LSM8: variants seen among roughly 807,000 people sequenced by gnomAD.
The protein encoded by LSM8 is LSM8 U6 small nuclear RNA associated.
LSM8 carries 14 observed loss-of-function variants against 15.0 expected under a neutral mutation model. That is an observed-to-expected ratio of 0.93 (90% CI 0.62 to 1.46). The LOEUF is 1.46. Among genes scored for constraint, LSM8 ranks in the 40% most tolerant of loss-of-function variants. The pLI is 0.00. For missense variants in LSM8, 90 were observed against 115.4 expected (o/e 0.78, Z 1.01); for synonymous variants, 50 against 42.1 (o/e 1.19, Z -0.73).
At chr7:118,186,254 C>T (rs944012348) in intron 2 of LSM8, among the ~76,000 whole-genome samples, 5 of 152,180 alleles carry the variant, frequency 3.3e-5, no homozygotes, top group African/African-American at 7.2e-5. Context: ...TAAGATAAAA[C>T]GTTCCTATAG....
rs535117731 is a variant in LSM8 at position 118,202,984 on chromosome 7, A to C, written c.*10982A>C. Among the ~76,000 whole-genome samples the C allele has an allele frequency of 6.6e-6, 1 of 152,000 alleles. No homozygotes were observed. The highest frequency in any genetic ancestry group is 1.5e-5 in the Non-Finnish European group (1 of 67,940). ...CTTTATCCTTCAGGATTCTGGCGTC[A>C]AGTCCCTCCCTATCAGTCTTTAAAA... On this transcript the variant is annotated 3_prime_UTR_variant, in exon 4 of 4. Coordinates refer to ENST00000249299, the MANE Select transcript of LSM8 (RefSeq NM_016200.5).
rs6956486 is a variant in LSM8 at position 118,196,976 on chromosome 7, T to G, written c.*4974T>G. Among the ~76,000 whole-genome samples, 7 of 151,536 alleles carry G rather than the reference T, an allele frequency of 4.6e-5. No homozygotes were observed. Among genetic ancestry groups the G allele is most frequent in the Admixed American group, 4.6e-4 (7 of 15,190 alleles). ...TCTCCTGACCTCGTGATCTGCCCAC[T>G]TCGGCGTCCCAAAGTGCTGGAATTA... On this transcript the variant is annotated 3_prime_UTR_variant, in exon 4 of 4. Transcript: ENST00000249299.
In LSM8 at chr7:118,198,021, G is replaced by T. The variant is rs1374610537; in HGVS notation, c.*6019G>T. On this transcript the variant is annotated 3_prime_UTR_variant, in exon 4 of 4. Coordinates refer to ENST00000249299, the MANE Select transcript of LSM8 (RefSeq NM_016200.5). ...GAAAAGTACTAAGAAGTAATTGATA[G>T]CATTCCCTGATAATTTTGGTGAAAA... is the stretch of plus-strand genomic sequence containing the variant. 6.6e-6 allele frequency among the ~76,000 whole-genome samples: 1 copy of T among 152,130 alleles called. No individual in the cohort carries two copies. The highest frequency in any genetic ancestry group is 1.5e-5 in the Non-Finnish European group (1 of 68,018).
rs571554799 is a variant in LSM8 at position 118,197,169 on chromosome 7, A to G, written c.*5167A>G. ...TCTCTTTAGGGTAATGTTCAATTAC[A>G]CTGCATATATTTTGCTATTATGTAG... On this transcript the variant is annotated 3_prime_UTR_variant, in exon 4 of 4. Coordinates refer to ENST00000249299, the MANE Select transcript of LSM8 (RefSeq NM_016200.5). 1.3e-5 allele frequency among the ~76,000 whole-genome samples: 2 copies of G among 150,194 alleles called. No homozygotes were observed. The highest frequency in any genetic ancestry group is 4.3e-4 in the South Asian group (2 of 4,684).
chr7:118,190,431 G>A (rs957838755), intron 3 of LSM8: 3 of 152,086 alleles, frequency 2.0e-5, no homozygotes, highest in Non-Finnish European at 4.4e-5. Context: ...AGCTTCTACT[G>A]GCCCATGAAA....
At chr7:118,189,257 T>C (rs113310385) in intron 3 of LSM8, 10,337 of 150,424 alleles carry the variant, frequency 0.069, 374 homozygotes, top group East Asian at 0.11. Flanking sequence ...GAGACACCAA[T>C]TCAAAAAAAA....
rs954224068 is a variant in LSM8, at chr7:118,202,399, A to T, written c.*10397A>T. Among the ~76,000 whole-genome samples the T allele has an allele frequency of 2.6e-5, 4 of 151,954 alleles. No individual in the cohort carries two copies. Among genetic ancestry groups the T allele is most frequent in the Admixed American group, 6.6e-5 (1 of 15,214 alleles). The stretch of plus-strand genomic sequence containing the variant: ...TTCAGACTGGGGCACCTACTCAAAG[A>T]AGTGACCCAGTACCCAGGCCACTAT... On this transcript the variant is annotated 3_prime_UTR_variant, in exon 4 of 4. Coordinates refer to ENST00000249299, the MANE Select transcript of LSM8 (RefSeq NM_016200.5).
In LSM8 at chr7:118,197,464, T is replaced by C. The variant is rs774429607; in HGVS notation, c.*5462T>C. 8.5e-5 allele frequency among the ~76,000 whole-genome samples: 13 copies of C among 152,306 alleles called. No individual in the cohort carries two copies. The highest frequency in any genetic ancestry group is 1.5e-4 in the Non-Finnish European group (10 of 68,032). ...TCATCTCATATCAACAAAATGATTA[T>C]AATAAATCATACTCTAGAAAACTCA... On this transcript the variant is annotated 3_prime_UTR_variant, in exon 4 of 4. Transcript: ENST00000249299.
rs745540353 is a variant in LSM8, at chr7:118,188,264, T to A, written c.73-14T>A. On this transcript the variant is annotated splice_polypyrimidine_tract_variant and intron_variant, in intron 2 of 3. Coordinates refer to ENST00000249299, the MANE Select transcript of LSM8 (RefSeq NM_016200.5). The stretch of plus-strand genomic sequence containing the variant: ...AGAATATTTCTCTTTTTCTCCTGAA[T>A]ATTTTCTTTACAGGGAACACTGAAA... 2 of 1,612,312 alleles carry A rather than the reference T, an allele frequency of 1.2e-6. No homozygotes were observed. Among genetic ancestry groups the A allele is most frequent in the South Asian group, 2.2e-5 (2 of 90,948 alleles).
At chr7:118,188,182 T>C in intron 2 of LSM8, 96 bp from the exon 3 acceptor site, 6 of 1,381,870 alleles carry the variant, frequency 4.3e-6, no homozygotes, top group Non-Finnish European at 6.1e-6. Flanking sequence ...GTACTTGTAT[T>C]GGAATACCTG....
rs1231287869 is a variant in LSM8, at chr7:118,200,252, T to G, written c.*8250T>G. On this transcript the variant is annotated 3_prime_UTR_variant, in exon 4 of 4. Coordinates refer to ENST00000249299, the MANE Select transcript of LSM8 (RefSeq NM_016200.5). The stretch of plus-strand genomic sequence containing the variant: ...GGCTTTGTAGAGCCATTGGAGGGAG[T>G]AATAGTTTCAGAGTCATGAAACAAA... 2.0e-5 allele frequency among the ~76,000 whole-genome samples: 3 copies of G among 151,936 alleles called. No individual in the cohort carries two copies. The highest frequency in any genetic ancestry group is 7.3e-5 in the African/African-American group (3 of 41,376).
At chr7:118,187,786 A>G (rs1262495564) in intron 2 of LSM8, among the ~76,000 whole-genome samples, 1 of 152,210 alleles carries the variant, frequency 6.6e-6, no homozygotes, top group East Asian at 1.9e-4. Flanking sequence ...GTACTAAATC[A>G]AAGGGTAGAG....
intron 2 of LSM8, among the ~76,000 whole-genome samples, chr7:118,186,834 T>G (rs1179549558): frequency 6.6e-6 from 1 of 152,268 alleles, no homozygotes; most frequent in Non-Finnish European, 1.5e-5. Context: ...GTTTGACATA[T>G]TTTAATTTCA....
chr7:118,194,827 T>G lies in LSM8; in HGVS notation c.*2825T>G, dbSNP rs1809050570. On this transcript the variant is annotated 3_prime_UTR_variant, in exon 4 of 4. Coordinates refer to ENST00000249299, the MANE Select transcript of LSM8 (RefSeq NM_016200.5). Reference sequence around the variant, plus strand: ...CATCTTCAAAATTAGTAGGTAGTATTTATTGAGTGCATATCATGTGCCAGG... The same window carrying G: ...CATCTTCAAAATTAGTAGGTAGTATGTATTGAGTGCATATCATGTGCCAGG... 6.6e-6 allele frequency among the ~76,000 whole-genome samples: 1 copy of G among 152,078 alleles called. No homozygotes were observed. The highest frequency in any genetic ancestry group is 2.4e-5 in the African/African-American group (1 of 41,420).
intron 2 of LSM8, among the ~76,000 whole-genome samples, chr7:118,187,352 C>T (rs1166662407): frequency 1.3e-5 from 2 of 152,208 alleles, no homozygotes; most frequent in Non-Finnish European, 2.9e-5. Flanking sequence ...AGACCCATGT[C>T]TTCTTTTATT....
rs1809116918 is a variant in LSM8 at position 118,198,492 on chromosome 7, G to C, written c.*6490G>C. The stretch of plus-strand genomic sequence containing the variant: ...TGACAGTAACAGAGATGACATGCCC[G>C]GTAAACTGGTGTTTGAAGGCAATAT... On this transcript the variant is annotated 3_prime_UTR_variant, in exon 4 of 4. Coordinates refer to ENST00000249299, the MANE Select transcript of LSM8 (RefSeq NM_016200.5). Among the ~76,000 whole-genome samples, 1 of 152,066 alleles carries C rather than the reference G, an allele frequency of 6.6e-6. No homozygotes were observed. Among genetic ancestry groups the C allele is most frequent in the South Asian group, 2.1e-4 (1 of 4,826 alleles).
rs949826716 is a variant in LSM8 at position 118,200,413 on chromosome 7, G to T, written c.*8411G>T. Among the ~76,000 whole-genome samples the T allele has an allele frequency of 2.6e-5, 4 of 152,052 alleles. No homozygotes were observed. Among genetic ancestry groups the T allele is most frequent in the African/African-American group, 7.2e-5 (3 of 41,412 alleles). ...CATCTTTAAGAAAGCTTTAATTTTG[G>T]TTTTTCAGAGCAATATTCACATGAC... On this transcript the variant is annotated 3_prime_UTR_variant, in exon 4 of 4. Coordinates refer to ENST00000249299, the MANE Select transcript of LSM8 (RefSeq NM_016200.5).
chr7:118,199,762 C>G lies in LSM8; in HGVS notation c.*7760C>G, dbSNP rs1334066398. ...TGAGAAATTCAAGTGTAGGGTAAGG[C>G]CACCTCCCCAGCAAGTAAATACTGA... On this transcript the variant is annotated 3_prime_UTR_variant, in exon 4 of 4. Coordinates refer to ENST00000249299, the MANE Select transcript of LSM8 (RefSeq NM_016200.5). Among the ~76,000 whole-genome samples the G allele has an allele frequency of 2.0e-5, 3 of 152,002 alleles. No homozygotes were observed. The highest frequency in any genetic ancestry group is 7.2e-5 in the African/African-American group (3 of 41,396).
At position 118,185,510 on chromosome 7, in the gene LSM8, G is replaced by A. The variant is rs1006041829; in HGVS notation, c.32-144G>A. ...CCTTGGCGTCTAAGAAACTTTTAAC[G>A]TTTTTATGTAGTGAACTTAGTGGCT... On this transcript the variant is annotated intron_variant, in intron 1 of 3. Coordinates refer to ENST00000249299, the MANE Select transcript of LSM8 (RefSeq NM_016200.5). 9 of 715,712 alleles carry A rather than the reference G, an allele frequency of 1.3e-5. No individual in the cohort carries two copies. The Admixed American group carries it at 2.1e-4, about 17-fold the overall frequency. 44.3% of individuals were successfully genotyped at this position (715,712 alleles called of 1,614,324 possible).
Sources: allele counts gnomAD v4.1 joint callset (sites outside exome capture counted in the v4.1 genomes callset), GRCh38; gene constraint gnomAD v4.1.1; transcripts MANE v1.5; gene names NCBI Gene and HGNC (gene_info 2026-07-23, HGNC 2026-07-21).